TWF1: variants seen among roughly 807,000 people sequenced by gnomAD.
TWF1 encodes the protein twinfilin actin binding protein 1, also known as twinfilin-1.
A neutral mutation model predicts 47.9 loss-of-function variants in TWF1; 14 were observed. That is an observed-to-expected ratio of 0.29 (90% CI 0.19 to 0.46). TWF1 has a LOEUF of 0.46. Ranked by LOEUF, TWF1 falls within the 20% of genes least tolerant of loss-of-function variation. TWF1 has a pLI of 1.00. For synonymous variants in TWF1, 96 were observed against 139.2 expected (o/e 0.69, Z 2.18); for missense variants, 281 against 409.3 (o/e 0.69, Z 2.70).
In TWF1 at chr12:43,800,297, TTA is replaced by T. The variant is rs1356156918; in HGVS notation, c.378+136_378+137del. On this transcript the variant is annotated intron_variant, in intron 4 of 8. Transcript: ENST00000395510. ...ATATTCATTACAGCTAACTTTAATA[TTA>T]TATGAAATACAGTATTTCTCTTATT... 4 of 600,540 alleles carry T rather than the reference TTA, an allele frequency of 6.7e-6. No individual in the cohort carries two copies. In the East Asian group the frequency reaches 1.2e-4, roughly 17 times the overall value. 37.2% of individuals were successfully genotyped at this position (600,540 alleles called of 1,614,324 possible).
At chr12:43,798,888 T>C (rs927016513) in intron 5 of TWF1, among the ~76,000 whole-genome samples, 3 of 152,092 alleles carry the variant, frequency 2.0e-5, no homozygotes, top group African/African-American at 7.2e-5. Context: ...TTAAAAATAA[T>C]GATAAACTAC....
Position 43,795,525 on chromosome 12 carries a change from C to T in TWF1, c.*60G>A. On this transcript the variant is annotated 3_prime_UTR_variant, in exon 9 of 9. Coordinates refer to ENST00000395510, the MANE Select transcript of TWF1 (RefSeq NM_002822.5). ...ATATCAACATGGAATGATTTCAGTT[C>T]TCCTGTACTAAAAGCTGGACTTTTA... The T allele has an allele frequency of 6.6e-6, 10 of 1,514,058 alleles. No individual in the cohort carries two copies. Among genetic ancestry groups the T allele is most frequent in the Non-Finnish European group, 8.1e-6 (9 of 1,112,980 alleles). The allele number at this position is 1,514,058 out of a possible 1,614,324, so 93.8% of individuals were successfully genotyped here. A position where few individuals can be genotyped will look rare whatever the true frequency, so the allele number is the denominator to read the frequency against.
rs1412192833 is a variant in TWF1 at position 43,797,104 on chromosome 12, G to A, written c.761-7C>T. Reference sequence around the variant, plus strand: ...GGCATTGAATAAATAAAAACTGTAAGTTCAAATAATAACAAATATAATTAG... The same window carrying A: ...GGCATTGAATAAATAAAAACTGTAAATTCAAATAATAACAAATATAATTAG... On this transcript the variant is annotated splice_region_variant and splice_polypyrimidine_tract_variant and intron_variant, in intron 7 of 8. Transcript: ENST00000395510. 11 of 1,581,572 alleles carry A rather than the reference G, an allele frequency of 7.0e-6. No homozygotes were observed. In the South Asian group the frequency reaches 1.3e-4, roughly 19 times the overall value.
At chr12:43,798,565 C>A in intron 5 of TWF1, 1 of 1,523,240 alleles carries the variant, frequency 6.6e-7, no homozygotes, top group Admixed American at 2.0e-5. Flanking sequence ...GAATGCATAC[C>A]CCAATATGAT....
intron 4 of TWF1, 117 bp downstream of exon 4, chr12:43,800,318 T>C: frequency 1.4e-6 from 1 of 695,836 alleles, no homozygotes; most frequent in Non-Finnish European, 2.4e-6. Flanking sequence ...ACAGTATTTC[T>C]CTTATTCTCA....
At position 43,806,288 on chromosome 12, in the gene TWF1, A is replaced by T. The variant is rs1285028787; in HGVS notation, c.-43T>A. The T allele has an allele frequency of 1.4e-6, 2 of 1,455,450 alleles. No individual in the cohort carries two copies. Among genetic ancestry groups the T allele is most frequent in the Non-Finnish European group, 1.8e-6 (2 of 1,098,440 alleles). 90.2% of individuals were successfully genotyped at this position (1,455,450 alleles called of 1,614,324 possible). ...CCCGGCTCCGGCGCTGAGTGCAGCC[A>T]GCGGCCCCGGCCGGCGGCCCCAGGA... On this transcript the variant is annotated 5_prime_UTR_variant, in exon 1 of 9. Transcript: ENST00000395510.
chr12:43,795,852 C>T, intron 8 of TWF1, 97 bp from the exon 9 acceptor site: 1 of 1,213,790 alleles, frequency 8.2e-7, no homozygotes, highest in Non-Finnish European at 1.2e-6. Flanking sequence ...ATACCCTTTC[C>T]AGTAAGGCAG....
chr12:43,796,926 TGAAAA>T (rs749468996), intron 8 of TWF1, 45 bp downstream of exon 8: 2 of 1,570,204 alleles, frequency 1.3e-6, no homozygotes, highest in Non-Finnish European at 1.7e-6. Context: ...TACATAGAAA[TGAAAA>T]GAAAAATTTA....
chr12:43,798,698 A>G (rs1942603857), intron 5 of TWF1: 1 of 1,161,144 alleles, frequency 8.6e-7, no homozygotes, highest in Admixed American at 2.8e-5. Flanking sequence ...CCTTGCTACC[A>G]GTTTAATATT....
chr12:43,797,890 C>T (rs1942584013), intron 5 of TWF1, 57 bp from the exon 6 acceptor site: 45 of 1,555,040 alleles, frequency 2.9e-5, no homozygotes, highest in Non-Finnish European at 3.7e-5. Context: ...CTATGGCAAA[C>T]ATAAGAAAAC....
chr12:43,798,704 A>G, intron 5 of TWF1: 1 of 1,071,810 alleles, frequency 9.3e-7, no homozygotes, highest in East Asian at 2.7e-5. Flanking sequence ...TACCAGTTTA[A>G]TATTAAATGA....
intron 1 of TWF1, chr12:43,805,607 A>AC: frequency 2.1e-6 from 1 of 476,546 alleles, no homozygotes; most frequent in South Asian, 1.5e-5. Context: ...ATTACATGCA[A>AC]CCATACAGAT....
At chr12:43,806,189 C>G in intron 1 of TWF1, 32 bp downstream of exon 1, 2 of 1,539,428 alleles carry the variant, frequency 1.3e-6, no homozygotes, top group South Asian at 1.2e-5. Context: ...CCCGGAAGCC[C>G]CTTCCCTGCG....
intron 1 of TWF1, 41 bp downstream of exon 1, chr12:43,806,180 C>CCGGCTCTCT: frequency 2.6e-6 from 4 of 1,538,670 alleles, no homozygotes; most frequent in Non-Finnish European, 3.5e-6. Flanking sequence ...CCCGGCTCTC[C>CCGGCTCTCT]CGGAAGCCCC....
At position 43,795,498 on chromosome 12, in the gene TWF1, T is replaced by G; in HGVS notation, c.*87A>C. The G allele has an allele frequency of 7.4e-7, 1 of 1,348,696 alleles. No individual in the cohort carries two copies. Among genetic ancestry groups the G allele is most frequent in the East Asian group, 2.3e-5 (1 of 43,148 alleles). 83.5% of individuals were successfully genotyped at this position (1,348,696 alleles called of 1,614,324 possible). On this transcript the variant is annotated 3_prime_UTR_variant, in exon 9 of 9. Coordinates refer to ENST00000395510, the MANE Select transcript of TWF1 (RefSeq NM_002822.5). ...AAAAAGTACAATTTTTTTCCCTACT[T>G]TATATCAACATGGAATGATTTCAGT...
rs1942639576 is a variant in TWF1 at position 43,800,480 on chromosome 12, T to C, written c.333A>G (p.Glu111=). ...CATCTTTAATGTGGCCACCTCCAAA[T>C]TCCTTCTTCAGAGTTGCTCTTGTTG... is the stretch of plus-strand genomic sequence containing the variant. The part of the protein sequence containing the change: ...YAATRATLKK[E]FGGGHIKDEV... The change falls in exon 4 of 9, where the codon GAA becomes GAG. Residue 111 remains glutamate, a synonymous_variant. Transcript: ENST00000395510. The C allele has an allele frequency of 1.9e-6, 3 of 1,613,646 alleles. No individual in the cohort carries two copies. In the African/African-American group the frequency reaches 4.0e-5, roughly 22 times the overall value.
At chr12:43,798,617 C>A in intron 5 of TWF1, 1 of 1,486,734 alleles carries the variant, frequency 6.7e-7, no homozygotes, top group Non-Finnish European at 8.9e-7. Context: ...AACTATCAAA[C>A]TCGTAAAAAA....
chr12:43,804,028 T>G (rs1003011045), intron 2 of TWF1: 6 of 223,360 alleles, frequency 2.7e-5, no homozygotes, highest in Non-Finnish European at 5.6e-5. Context: ...CTCAGAACTT[T>G]CCCAAAACAA....
At chr12:43,797,916 T>C (rs1942584576) in intron 5 of TWF1, 83 bp from the exon 6 acceptor site, 2 of 1,425,026 alleles carry the variant, frequency 1.4e-6, no homozygotes, top group South Asian at 1.3e-5. Context: ...CTCTATAAAA[T>C]AGTATCATTC....
Sources: allele counts gnomAD v4.1 joint callset (sites outside exome capture counted in the v4.1 genomes callset), GRCh38; gene constraint gnomAD v4.1.1; transcripts MANE v1.5; gene names NCBI Gene and HGNC (gene_info 2026-07-23, HGNC 2026-07-21).